Variants in ACTA2 observed in about 807,000 individuals in gnomAD.
The protein encoded by ACTA2 is actin alpha 2, smooth muscle, also known as actin, aortic smooth muscle.
A neutral mutation model predicts 39.5 loss-of-function variants in ACTA2; 12 were observed. The observed-to-expected ratio is 0.30, with a 90% confidence interval of 0.19 to 0.49. The LOEUF is 0.49. ACTA2 is among the 20% of genes least tolerant of loss of function. The probability of loss-of-function intolerance (pLI) is 0.99; values close to 1 mark genes in which losing one functional copy is unlikely to be tolerated. For missense variants in ACTA2, 236 were observed against 498.8 expected (o/e 0.47, Z 5.02); for synonymous variants, 158 against 180.6 (o/e 0.88, Z 1.00).
rs200057287 is a variant in ACTA2, at chr10:88,939,741, C to T, written c.617-43G>A. The T allele has an allele frequency of 2.5e-6, 4 of 1,607,346 alleles. No homozygotes were observed. In the African/African-American group the frequency reaches 4.0e-5, roughly 16 times the overall value. Reference sequence around the variant, plus strand: ...ACATTGTGGCAAACATTAGGGTCTGCACAGGTGGCAAAGATTCACCTGCCC... The same window carrying T: ...ACATTGTGGCAAACATTAGGGTCTGTACAGGTGGCAAAGATTCACCTGCCC... On this transcript the variant is annotated intron_variant, in intron 6 of 8. Coordinates refer to ENST00000224784, the MANE Select transcript of ACTA2 (RefSeq NM_001613.4).
chr10:88,949,372 T>C (rs1021792007), intron 1 of ACTA2, among the ~76,000 whole-genome samples: 1 of 152,180 alleles, frequency 6.6e-6, no homozygotes, highest in African/African-American at 2.4e-5. Context: ...TCAACCCAAA[T>C]GCACATTTTT....
chr10:88,938,729 AT>A (rs1182865562), intron 7 of ACTA2, among the ~76,000 whole-genome samples: 4 of 8,170 alleles, frequency 4.9e-4, no homozygotes, highest in Non-Finnish European at 8.7e-4. Flanking sequence ...TCTTGCTAAC[AT>A]TTTTTTTGGG....
At chr10:88,975,681 G>T (rs1846546651) in intron 1 of ACTA2, among the ~76,000 whole-genome samples, 1 of 151,970 alleles carries the variant, frequency 6.6e-6, no homozygotes, top group Non-Finnish European at 1.5e-5. Flanking sequence ...GCGCCTCCAG[G>T]TCATAAAACA....
At chr10:88,964,312 G>A (rs200919452) in intron 1 of ACTA2, among the ~76,000 whole-genome samples, 1 of 152,180 alleles carries the variant, frequency 6.6e-6, no homozygotes, top group African/African-American at 2.4e-5. Flanking sequence ...CCCAGGGAAT[G>A]AGCAATTCTC....
chr10:88,940,347 T>C (rs760508265), intron 6 of ACTA2: 2 of 156,814 alleles, frequency 1.3e-5, no homozygotes, highest in Non-Finnish European at 2.8e-5. Flanking sequence ...CTATTAATTA[T>C]ATCTGAGGCT....
intron 1 of ACTA2, chr10:88,973,443 C>T (rs1846494446): frequency 9.3e-7 from 1 of 1,071,116 alleles, no homozygotes; most frequent in East Asian, 2.9e-5. Context: ...CTCTGCCTTT[C>T]CTTTCTAAAG....
rs1554841258 is a variant in ACTA2, at chr10:88,941,233, A to G, written c.612T>C (p.Thr204=). Residue 204 remains threonine (T), a synonymous_variant, in exon 6 of 9, where the codon ACT becomes ACC. Coordinates refer to ENST00000224784, the MANE Select transcript of ACTA2 (RefSeq NM_001613.4). The part of the protein sequence containing the change: ...ILTERGYSFV[T]TAEREIVRDI... The stretch of plus-strand genomic sequence containing the variant: ...CTTATCTCCCACAGGCCTCACCAGT[A>G]GTAACGAAGGAATAGCCACGCTCAG... The G allele has an allele frequency of 1.9e-6, 3 of 1,613,900 alleles. No individual in the cohort carries two copies. The highest frequency in any genetic ancestry group is 1.7e-6 in the Non-Finnish European group (2 of 1,179,862).
chr10:88,942,081 G>A (rs1468271040), intron 4 of ACTA2, among the ~76,000 whole-genome samples: 1 of 152,150 alleles, frequency 6.6e-6, no homozygotes, highest in Non-Finnish European at 1.5e-5. Flanking sequence ...CTGACAGGGT[G>A]GGGAGGGGAA....
At chr10:88,989,518 G>C (rs1229631309) in intron 1 of ACTA2, 1 of 544,060 alleles carries the variant, frequency 1.8e-6, no homozygotes, top group Non-Finnish European at 3.6e-6. Flanking sequence ...CTTCCTCATG[G>C]CACTAACAGT....
chr10:88,943,769 G>C (rs774531440), intron 4 of ACTA2, 28 bp downstream of exon 4: 1 of 1,557,136 alleles, frequency 6.4e-7, no homozygotes, highest in Non-Finnish European at 8.9e-7. Flanking sequence ...AGACCCCACA[G>C]TGTTGTGTGC....
intron 4 of ACTA2, 57 bp downstream of exon 4, chr10:88,943,740 T>G: frequency 6.9e-7 from 1 of 1,458,638 alleles, no homozygotes; most frequent in Non-Finnish European, 9.6e-7. Flanking sequence ...CATAGCCTCC[T>G]TCTAACAGAA....
At chr10:88,970,171 G>C (rs1158131894) in intron 1 of ACTA2, among the ~76,000 whole-genome samples, 2 of 152,020 alleles carry the variant, frequency 1.3e-5, no homozygotes, top group Non-Finnish European at 2.9e-5. Flanking sequence ...ACTGTACTTG[G>C]ATCAAGGCAC....
chr10:88,972,304 T>A (rs1846465142), intron 1 of ACTA2, among the ~76,000 whole-genome samples: 2 of 152,212 alleles, frequency 1.3e-5, no homozygotes, highest in Admixed American at 1.3e-4. Context: ...GCTATTGTCT[T>A]GTCTTCAGGC....
In ACTA2 at chr10:88,939,498, G is replaced by T. The variant is rs775127386; in HGVS notation, c.808+9C>A. 6 of 1,612,476 alleles carry T rather than the reference G, an allele frequency of 3.7e-6. No homozygotes were observed. The highest frequency in any genetic ancestry group is 1.3e-5 in the African/African-American group (1 of 74,868). On this transcript the variant is annotated intron_variant, in intron 7 of 8. Coordinates refer to ENST00000224784, the MANE Select transcript of ACTA2 (RefSeq NM_001613.4). Reference sequence around the variant, plus strand: ...TCCCCTTCCCAGGAAAAGGGCGTTTGTTGCCTACCGATGAAGGATGGCTGG... The same window carrying T: ...TCCCCTTCCCAGGAAAAGGGCGTTTTTTGCCTACCGATGAAGGATGGCTGG...
intron 1 of ACTA2, among the ~76,000 whole-genome samples, chr10:88,958,597 G>A (rs1363428913): frequency 6.6e-6 from 1 of 152,166 alleles, no homozygotes; most frequent in Non-Finnish European, 1.5e-5. Context: ...CACCCAGGTA[G>A]TAGGGAGCGT....
intron 1 of ACTA2, among the ~76,000 whole-genome samples, chr10:88,957,863 G>A (rs996327362): frequency 6.6e-6 from 1 of 152,030 alleles, no homozygotes; most frequent in African/African-American, 2.4e-5. Flanking sequence ...CGCCTACCGG[G>A]TTCAAGTGAT....
In ACTA2 at chr10:88,947,003, G is replaced by A. The variant is rs556206583; in HGVS notation, c.258+255C>T. The A allele has an allele frequency of 1.8e-4, 64 of 350,346 alleles. 2 individuals are homozygous for A. The highest frequency in any genetic ancestry group is 1.7e-3 in the South Asian group (61 of 35,458). The allele number at this position is 350,346 out of a possible 1,614,324, so 21.7% of individuals were successfully genotyped here. A position where few individuals can be genotyped will look rare whatever the true frequency, so the allele number is the denominator to read the frequency against. On this transcript the variant is annotated intron_variant, in intron 3 of 8. Coordinates refer to ENST00000224784, the MANE Select transcript of ACTA2 (RefSeq NM_001613.4). ...GAGAACATGCGGTGTTTGGTTTTTT[G>A]TCCTTGCGACAGTTTGCTGAGGATG...
intron 3 of ACTA2, among the ~76,000 whole-genome samples, chr10:88,944,280 G>A (rs1041760261): frequency 5.3e-5 from 8 of 152,126 alleles, no homozygotes; most frequent in Non-Finnish European, 1.0e-4. Context: ...ATTGGTAATA[G>A]GGAGATGAAA....
chr10:88,947,485 C>T (rs544158254), intron 2 of ACTA2, 99 bp from the exon 3 acceptor site: 94 of 1,534,772 alleles, frequency 6.1e-5, no homozygotes, highest in African/African-American at 1.8e-4. Context: ...TGGGAAGTTC[C>T]TCTTCTGATT....
Sources: allele counts gnomAD v4.1 joint callset (sites outside exome capture counted in the v4.1 genomes callset), GRCh38; gene constraint gnomAD v4.1.1; transcripts MANE v1.5; gene names NCBI Gene and HGNC (gene_info 2026-07-23, HGNC 2026-07-21).